Variants in SLC2A9 observed in about 807,000 individuals in gnomAD.
The protein encoded by SLC2A9 is solute carrier family 2, facilitated glucose transporter member 9.
SLC2A9 carries 39 observed loss-of-function variants against 50.6 expected under a neutral mutation model. The observed-to-expected ratio is 0.77, with a 90% CI of 0.60 to 1.01. SLC2A9 has a LOEUF of 1.01. Among genes scored for constraint, SLC2A9 ranks in the 50% least tolerant of loss-of-function variants. The pLI is 0.00. For missense variants in SLC2A9, 686 were observed against 677.6 expected, an observed-to-expected ratio of 1.01 and a Z score of -0.14; for synonymous variants, 324 against 276.9, an observed-to-expected ratio of 1.17 and a Z score of -1.69.
At chr4:10,025,369 T>C (rs74642414), upstream of SLC2A9, among the ~76,000 whole-genome samples, 1,953 of 152,246 alleles carry the variant, frequency 0.013, 35 homozygotes, top group African/African-American at 0.044. Flanking sequence ...GAGAGAACCA[T>C]GTAAAGAGTC....
intron 8 of SLC2A9, among the ~76,000 whole-genome samples, chr4:9,898,943 A>G (rs1577772193): frequency 1.2e-5 from 1 of 85,184 alleles, no homozygotes; most frequent in East Asian, 2.2e-4. Context: ...GACAACTACT[A>G]TGGCCATTTC....
At chr4:9,867,629 C>A (rs535573451) in intron 10 of SLC2A9, among the ~76,000 whole-genome samples, 4 of 152,302 alleles carry the variant, frequency 2.6e-5, no homozygotes, top group South Asian at 2.1e-4. Context: ...CTTTCCCTCG[C>A]CCCATCATGG....
At chr4:9,925,695 G>A (rs1226690916) in intron 6 of SLC2A9, among the ~76,000 whole-genome samples, 1 of 152,174 alleles carries the variant, frequency 6.6e-6, no homozygotes, top group Non-Finnish European at 1.5e-5. Flanking sequence ...GCCTTGCATA[G>A]AATGTACATC....
chr4:9,828,986 C>G (rs1437350098), intron 11 of SLC2A9, among the ~76,000 whole-genome samples: 1 of 152,218 alleles, frequency 6.6e-6, no homozygotes, highest in Non-Finnish European at 1.5e-5. Context: ...TCCCAGGCCA[C>G]AAACAGGGCT....
At chr4:9,816,836 G>A (rs1723663318) in intron 3 of SLC2A9, among the ~76,000 whole-genome samples, 1 of 108,598 alleles carries the variant, frequency 9.2e-6, no homozygotes, top group Admixed American at 8.4e-5. Context: ...AAAAAACGAT[G>A]ACACGCACAT....
intron 2 of SLC2A9, among the ~76,000 whole-genome samples, chr4:9,997,791 T>C (rs898715851): frequency 4.8e-4 from 70 of 145,858 alleles, no homozygotes; most frequent in Non-Finnish European, 7.8e-4. Context: ...GAAAAAAAAA[T>C]GCTCATTTGA....
chr4:10,018,679 G>T (rs982503022), intron 2 of SLC2A9, among the ~76,000 whole-genome samples: 1 of 152,118 alleles, frequency 6.6e-6, no homozygotes, highest in East Asian at 1.9e-4. Context: ...GGGGCCAGAG[G>T]ATCGCCCCCC....
At chr4:9,980,059 C>T (rs4364264) in intron 5 of SLC2A9, among the ~76,000 whole-genome samples, 10,595 of 152,178 alleles carry the variant, frequency 0.07, 874 homozygotes, top group East Asian at 0.46. Flanking sequence ...GCTAAGGCCA[C>T]ACAGCAAGTA....
chr4:10,031,270 T>G (rs1018926235), intron 1 of SLC2A9, among the ~76,000 whole-genome samples: 3 of 152,256 alleles, frequency 2.0e-5, no homozygotes, highest in African/African-American at 7.2e-5. Context: ...GGTCCAGCTT[T>G]AATAATCAGC....
At chr4:9,881,481 A>C (rs1735199650) in intron 10 of SLC2A9, among the ~76,000 whole-genome samples, 1 of 152,200 alleles carries the variant, frequency 6.6e-6, no homozygotes. Context: ...GCCCTCTCCC[A>C]AGTTCCAAAT....
chr4:9,817,175 C>A (rs747412762), intron 3 of SLC2A9, among the ~76,000 whole-genome samples: 10 of 152,148 alleles, frequency 6.6e-5, no homozygotes, highest in Non-Finnish European at 1.2e-4. Flanking sequence ...TTGGGTTTAC[C>A]CAGTCATCCA....
At chr4:10,036,577 T>C (rs1764111113) in intron 1 of SLC2A9, among the ~76,000 whole-genome samples, 1 of 152,242 alleles carries the variant, frequency 6.6e-6, no homozygotes, top group African/African-American at 2.4e-5. Flanking sequence ...AGTGTATTTT[T>C]CCTCAACATT....
chr4:9,771,821 C>T (rs554372062), intron 1 of SLC2A9, among the ~76,000 whole-genome samples: 2 of 152,092 alleles, frequency 1.3e-5, no homozygotes, highest in African/African-American at 4.8e-5. Context: ...TGAGTGGGCA[C>T]TCACCCCCTT....
At chr4:9,988,523 C>A (rs961808740) in intron 3 of SLC2A9, among the ~76,000 whole-genome samples, 4 of 152,200 alleles carry the variant, frequency 2.6e-5, no homozygotes, top group African/African-American at 9.7e-5. Flanking sequence ...GAAATGTGTG[C>A]AAATCCTTTG....
intron 5 of SLC2A9, among the ~76,000 whole-genome samples, 188 bp downstream of exon 5, chr4:9,980,404 T>C (rs1057309186): frequency 8.5e-5 from 13 of 152,204 alleles, no homozygotes; most frequent in Admixed American, 7.2e-4. Context: ...TTCAATTTGT[T>C]ATGTATTCTT....
chr4:9,821,157 A>T (rs1223736911), intron 3 of SLC2A9, among the ~76,000 whole-genome samples: 1 of 152,192 alleles, frequency 6.6e-6, no homozygotes. Context: ...AATTTCATCA[A>T]ATGTTTCCCC....
At chr4:9,872,729 CA>C (rs542573890) in intron 10 of SLC2A9, among the ~76,000 whole-genome samples, 1 of 150,146 alleles carries the variant, frequency 6.7e-6, no homozygotes, top group Non-Finnish European at 1.5e-5. Flanking sequence ...GGAACAACAA[CA>C]AAAAAAACAT....
chr4:10,030,692 G>T (rs1763915750), intron 1 of SLC2A9, among the ~76,000 whole-genome samples: 1 of 152,160 alleles, frequency 6.6e-6, no homozygotes, highest in African/African-American at 2.4e-5. Context: ...CCAACCAAAA[G>T]TCATCCTGGC....
intron 3 of SLC2A9, among the ~76,000 whole-genome samples, chr4:9,816,729 A>T (rs1394179976): frequency 6.6e-6 from 1 of 152,114 alleles, no homozygotes; most frequent in Non-Finnish European, 1.5e-5. Context: ...ATTATACTTC[A>T]ATGTAGCTGA....
Sources: gnomAD v4.1 joint callset for allele counts (sites outside exome capture counted in the v4.1 genomes callset) on GRCh38, gnomAD v4.1.1 for gene constraint, MANE v1.5 for transcripts, NCBI Gene and HGNC (gene_info 2026-07-23, HGNC 2026-07-21) for gene names.